The following SLX4IP variants were observed in gnomAD, a reference collection of about 807,000 sequenced individuals.
SLX4IP encodes the protein protein SLX4IP.
Under a neutral mutation model 32.9 loss-of-function variants are expected in SLX4IP, and 34 were observed. The observed-to-expected ratio is 1.03, with a 90% CI of 0.79 to 1.38. The LOEUF is 1.38. SLX4IP is among the 40% of genes most tolerant of loss of function. The pLI, the probability that SLX4IP is intolerant of heterozygous loss-of-function variation, is 0.00. For missense variants in SLX4IP, 444 were observed against 479.0 expected, an observed-to-expected ratio of 0.93 and a Z score of 0.68; for synonymous variants, 172 against 171.7, an observed-to-expected ratio of 1.00 and a Z score of -0.01.
At chr20:10,566,176 T>C (rs974774982) in intron 4 of SLX4IP, among the ~76,000 whole-genome samples, 1 of 152,116 alleles carries the variant, frequency 6.6e-6, no homozygotes, top group Non-Finnish European at 1.5e-5. Context: ...ATTCTTTACC[T>C]TCATTCCCCC....
chr20:10,613,531 C>T, intron 6 of SLX4IP: 1 of 1,610,960 alleles, frequency 6.2e-7, no homozygotes, highest in Non-Finnish European at 8.5e-7. Flanking sequence ...TTGTCCATTT[C>T]CTTTTGCCAA....
chr20:10,530,586 A>G (rs2065980527), intron 2 of SLX4IP, among the ~76,000 whole-genome samples: 3 of 152,230 alleles, frequency 2.0e-5, no homozygotes, highest in Admixed American at 2.0e-4. Context: ...TGAGAAATAG[A>G]TTGCAAAATC....
intron 6 of SLX4IP, chr20:10,613,699 A>G (rs1449368388): frequency 5.0e-6 from 8 of 1,613,220 alleles, no homozygotes; most frequent in Non-Finnish European, 6.8e-6. Flanking sequence ...GCGTTATAGG[A>G]TGGGACCTCT....
At chr20:10,598,615 A>C (rs1012442019) in intron 4 of SLX4IP, 60 bp from the exon 5 acceptor site, 6 of 1,483,362 alleles carry the variant, frequency 4.0e-6, no homozygotes, top group Admixed American at 1.7e-5. Flanking sequence ...CACTGGGCTG[A>C]ACTCCAGAGA....
intron 2 of SLX4IP, among the ~76,000 whole-genome samples, chr20:10,551,447 C>T (rs1218035494): frequency 1.3e-5 from 2 of 152,144 alleles, no homozygotes; most frequent in Non-Finnish European, 2.9e-5. Context: ...CTGTGATTTG[C>T]CCAATTCTTG....
intron 4 of SLX4IP, among the ~76,000 whole-genome samples, chr20:10,569,224 C>T (rs1271766473): frequency 6.9e-6 from 1 of 144,788 alleles, no homozygotes; most frequent in Non-Finnish European, 1.5e-5. Flanking sequence ...TCACTCTTGT[C>T]GCCCAGGCTG....
chr20:10,612,065 T>G lies in SLX4IP; in HGVS notation c.406-9249T>G, dbSNP rs143504301. Among the ~76,000 whole-genome samples, 1,285 of 152,326 alleles carry G rather than the reference T, an allele frequency of 8.4e-3. 11 individuals are homozygous for G. The highest frequency in any genetic ancestry group is 0.017 in the Middle Eastern group (5 of 294). On this transcript the variant is annotated intron_variant, in intron 6 of 7. Transcript: ENST00000334534. ...CACATAGTGACAATACCTGCCCTGATGAATACTCCTTGGGGACCAGATGAG... is the reference window on the plus strand; with the variant it reads ...CACATAGTGACAATACCTGCCCTGAGGAATACTCCTTGGGGACCAGATGAG...
At chr20:10,450,869 A>AG (rs1215584475) in intron 1 of SLX4IP, among the ~76,000 whole-genome samples, 18 of 152,048 alleles carry the variant, frequency 1.2e-4, no homozygotes, top group Non-Finnish European at 2.2e-4. Context: ...CTCCTGCCTC[A>AG]GCCTCCTGAG....
intron 4 of SLX4IP, among the ~76,000 whole-genome samples, chr20:10,565,062 A>T (rs1212006698): frequency 6.7e-6 from 1 of 149,286 alleles, no homozygotes; most frequent in Non-Finnish European, 1.5e-5. Flanking sequence ...TCCTTTTGTC[A>T]CTCCCTTGGT....
At chr20:10,547,859 A>G (rs1057443503) in intron 2 of SLX4IP, among the ~76,000 whole-genome samples, 2 of 152,202 alleles carry the variant, frequency 1.3e-5, no homozygotes, top group Non-Finnish European at 2.9e-5. Flanking sequence ...AGACATTGAC[A>G]ACCCAAAGGT....
intron 2 of SLX4IP, among the ~76,000 whole-genome samples, chr20:10,464,185 T>TTTGA (rs1568692890): frequency 6.6e-6 from 1 of 151,896 alleles, no homozygotes; most frequent in East Asian, 1.9e-4. Flanking sequence ...ATTTTGTTTT[T>TTTGA]TTGTTTGTTT....
chr20:10,500,847 G>A (rs1359806350), intron 2 of SLX4IP, among the ~76,000 whole-genome samples: 2 of 152,170 alleles, frequency 1.3e-5, no homozygotes. Context: ...ACTCATTTCA[G>A]GATTCTAATT....
intron 4 of SLX4IP, among the ~76,000 whole-genome samples, chr20:10,591,053 G>A (rs185854786): frequency 1.5e-4 from 23 of 152,210 alleles, no homozygotes; most frequent in African/African-American, 5.1e-4. Flanking sequence ...CCTAGTTTCC[G>A]ATGAGTTTGA....
Position 10,480,358 on chromosome 20 carries a change from C to T in SLX4IP, c.27+22127C>T, listed in dbSNP as rs978165820. 2.8e-4 allele frequency among the ~76,000 whole-genome samples: 42 copies of T among 151,474 alleles called. 1 individual carries two copies. Among genetic ancestry groups the T allele is most frequent in the African/African-American group, 1.0e-3 (41 of 41,188 alleles). On this transcript the variant is annotated intron_variant, in intron 2 of 7. Coordinates refer to ENST00000334534, the MANE Select transcript of SLX4IP (RefSeq NM_001009608.3). ...GAGGCTGCAGTGAGTTGTGATTGAG[C>T]TACTACACTCTAGCCTAGAGTTTTG...
intron 1 of SLX4IP, 68 bp from the exon 2 acceptor site, chr20:10,458,108 T>C: frequency 1.0e-6 from 1 of 990,540 alleles, no homozygotes. Context: ...GCCCATCTTT[T>C]TCCTGTATAA....
At chr20:10,559,967 C>T (rs1324809727) in intron 3 of SLX4IP, among the ~76,000 whole-genome samples, 1 of 152,182 alleles carries the variant, frequency 6.6e-6, no homozygotes, top group East Asian at 1.9e-4. Context: ...TCAACAGTTT[C>T]CTTCTTGAGT....
At chr20:10,546,569 T>A (rs1835828580) in intron 2 of SLX4IP, among the ~76,000 whole-genome samples, 1 of 152,316 alleles carries the variant, frequency 6.6e-6, no homozygotes, top group East Asian at 1.9e-4. Context: ...CCAATATTTC[T>A]TCCTTGAGCC....
intron 2 of SLX4IP, among the ~76,000 whole-genome samples, chr20:10,496,102 C>A (rs892162653): frequency 5.3e-5 from 8 of 151,610 alleles, no homozygotes; most frequent in Non-Finnish European, 1.0e-4. Context: ...GGACTTATTT[C>A]TACTACATTA....
At chr20:10,516,742 C>T (rs1483205590) in intron 2 of SLX4IP, among the ~76,000 whole-genome samples, 2 of 152,152 alleles carry the variant, frequency 1.3e-5, no homozygotes, top group Non-Finnish European at 2.9e-5. Context: ...CTGGCATCAG[C>T]AAAGAAAATT....
Sources: gnomAD v4.1 joint callset for allele counts (sites outside exome capture counted in the v4.1 genomes callset) on GRCh38, gnomAD v4.1.1 for gene constraint, MANE v1.5 for transcripts, NCBI Gene and HGNC (gene_info 2026-07-23, HGNC 2026-07-21) for gene names.